NBAS: variants seen among roughly 807,000 people sequenced by gnomAD.
The protein encoded by NBAS is NBAS subunit of NRZ tethering complex, also known as NAG/BC035112 fusion.
In NBAS, 219 loss-of-function variants were observed where a neutral mutation model predicts 302.5. That is an observed-to-expected ratio of 0.72 (90% confidence interval 0.65 to 0.81). NBAS has a LOEUF of 0.81. Among genes scored for constraint, NBAS ranks in the 30% least tolerant of loss-of-function variants. The pLI is 0.00. For synonymous variants in NBAS, 1,118 were observed against 1,021.6 expected (o/e 1.09, Z -1.80); for missense variants, 2,932 against 2,841.6 (o/e 1.03, Z -0.72).
intron 35 of NBAS, among the ~76,000 whole-genome samples, chr2:15,343,664 C>A (rs1278894129): frequency 6.6e-6 from 1 of 151,748 alleles, no homozygotes; most frequent in African/African-American, 2.4e-5. Flanking sequence ...GATGGATATA[C>A]CTCAAGTCTA....
At chr2:14,843,581 C>CACACACACACACACACAA in the NBAS span, among the ~76,000 whole-genome samples, 1 of 150,384 alleles carries the variant, frequency 6.6e-6, no homozygotes, top group African/African-American at 2.5e-5. Flanking sequence ...CACACACACA[C>CACACACACACACACACAA]AAAAATACCT....
the NBAS span, among the ~76,000 whole-genome samples, chr2:14,987,891 T>G: frequency 6.6e-6 from 1 of 152,308 alleles, no homozygotes; most frequent in Admixed American, 6.5e-5. Flanking sequence ...ACATAGTTGA[T>G]GTCTTACCCC....
rs1258542646 is a variant in NBAS, at chr2:15,556,772, C to T, written c.209+11G>A. 1.2e-5 allele frequency: 19 copies of T among 1,602,678 alleles called. No individual in the cohort carries two copies. Among genetic ancestry groups the T allele is most frequent in the African/African-American group, 5.4e-5 (4 of 74,538 alleles). Reference sequence around the variant, plus strand: ...TGTTCATACTGTTTCTCTGAAGAACCGAAGACTCACCTGTACCAGATGTAT... The same window carrying T: ...TGTTCATACTGTTTCTCTGAAGAACTGAAGACTCACCTGTACCAGATGTAT... On this transcript the variant is annotated intron_variant, in intron 3 of 51. Coordinates refer to ENST00000281513, the MANE Select transcript of NBAS (RefSeq NM_015909.4).
Position 15,219,503 on chromosome 2 carries a change from A to G in NBAS, c.6237-535T>C, listed in dbSNP as rs1226378655. Among the ~76,000 whole-genome samples the G allele has an allele frequency of 4.9e-4, 65 of 133,662 alleles. 1 individual carries two copies. The highest frequency in any genetic ancestry group is 6.4e-4 in the East Asian group (3 of 4,662). 87.7% of individuals were successfully genotyped at this position (133,662 alleles called of 152,430 possible). A position where few individuals can be genotyped will look rare whatever the true frequency, so the allele number is the denominator to read the frequency against. On this transcript the variant is annotated intron_variant, in intron 47 of 51. Coordinates refer to ENST00000281513, the MANE Select transcript of NBAS (RefSeq NM_015909.4). ...GCAGTGTTTGTGTCCCTGGGTACTTAAGATTAGGGAGTGGTGATGACTCTT... is the reference window on the plus strand; with the variant it reads ...GCAGTGTTTGTGTCCCTGGGTACTTGAGATTAGGGAGTGGTGATGACTCTT...
intron 9 of NBAS, among the ~76,000 whole-genome samples, chr2:15,512,946 T>C (rs1662213035): frequency 6.6e-6 from 1 of 152,214 alleles, no homozygotes. Flanking sequence ...CTAATGCCAC[T>C]AAAAGCCCTC....
At chr2:15,411,057 G>C (rs572356757) in intron 25 of NBAS, among the ~76,000 whole-genome samples, 13 of 152,058 alleles carry the variant, frequency 8.5e-5, no homozygotes, top group Non-Finnish European at 1.5e-4. Context: ...CTGTTCTTTT[G>C]CTTGGTACCC....
intron 38 of NBAS, among the ~76,000 whole-genome samples, chr2:15,313,882 T>TGGGAG (rs1671387856): frequency 2.0e-5 from 3 of 152,224 alleles, no homozygotes; most frequent in Admixed American, 6.5e-5. Flanking sequence ...AAAGGCTCTC[T>TGGGAG]GGCTTTCTAT....
intron 7 of NBAS, chr2:15,538,443 CT>C: frequency 2.9e-6 from 1 of 343,712 alleles, no homozygotes. Context: ...CAGCTAAAAG[CT>C]TATAAACAAT....
chr2:15,547,968 CTA>C (rs750420681), intron 6 of NBAS, among the ~76,000 whole-genome samples: 1 of 152,234 alleles, frequency 6.6e-6, no homozygotes, highest in Middle Eastern at 3.4e-3. Flanking sequence ...TCTATTCATG[CTA>C]TGTGTATACA....
chr2:14,858,873 C>T, the NBAS span, among the ~76,000 whole-genome samples: 5 of 152,108 alleles, frequency 3.3e-5, no homozygotes, highest in African/African-American at 1.2e-4. Context: ...ATGGATACCC[C>T]TCATTTACCC....
At chr2:15,084,478 C>G in the NBAS span, among the ~76,000 whole-genome samples, 3 of 152,178 alleles carry the variant, frequency 2.0e-5, no homozygotes, top group Non-Finnish European at 2.9e-5. Context: ...CCAGAAAAAT[C>G]AGTGTTAGAA....
At chr2:15,072,449 T>C in the NBAS span, among the ~76,000 whole-genome samples, 1 of 152,210 alleles carries the variant, frequency 6.6e-6, no homozygotes, top group Admixed American at 6.5e-5. Context: ...TAATTTCGCA[T>C]TTCTTTTGAA....
At chr2:14,820,172 A>C in the NBAS span, among the ~76,000 whole-genome samples, 1 of 152,214 alleles carries the variant, frequency 6.6e-6, no homozygotes, top group Non-Finnish European at 1.5e-5. Context: ...GTGTGTACCC[A>C]AAAGAAAGGA....
chr2:15,387,024 A>G (rs1260393896), intron 28 of NBAS, among the ~76,000 whole-genome samples: 1 of 152,192 alleles, frequency 6.6e-6, no homozygotes, highest in Non-Finnish European at 1.5e-5. Flanking sequence ...CCATAATAAA[A>G]TATTCATTAA....
chr2:15,034,247 AG>A, the NBAS span, among the ~76,000 whole-genome samples: 3 of 91,918 alleles, frequency 3.3e-5, no homozygotes, highest in African/African-American at 1.4e-4. Context: ...AAAGAAAGAA[AG>A]AAAGAAAGAA....
the NBAS span, among the ~76,000 whole-genome samples, chr2:14,818,659 C>T: frequency 6.6e-6 from 1 of 152,138 alleles, no homozygotes; most frequent in Non-Finnish European, 1.5e-5. Flanking sequence ...TGCGACAGTC[C>T]TTACCGTGTC....
At chr2:15,489,353 G>A (rs1680762006) in intron 11 of NBAS, among the ~76,000 whole-genome samples, 1 of 151,974 alleles carries the variant, frequency 6.6e-6, no homozygotes, top group African/African-American at 2.4e-5. Context: ...TTTTAAGGTT[G>A]GTCTTGACTA....
At chr2:15,131,752 C>T in the NBAS span, among the ~76,000 whole-genome samples, 172 of 152,288 alleles carry the variant, frequency 1.1e-3, no homozygotes, top group African/African-American at 4.1e-3. Context: ...AATTGGCTCA[C>T]AGTTCTGCAG....
intron 34 of NBAS, among the ~76,000 whole-genome samples, chr2:15,352,365 A>C (rs539602443): frequency 2.0e-5 from 3 of 152,238 alleles, no homozygotes; most frequent in Admixed American, 2.0e-4. Context: ...CTTGCCTCCA[A>C]AGAAGAAAAA....
Sources: allele counts gnomAD v4.1 joint callset (sites outside exome capture counted in the v4.1 genomes callset), GRCh38; gene constraint gnomAD v4.1.1; transcripts MANE v1.5; gene names NCBI Gene and HGNC (gene_info 2026-07-23, HGNC 2026-07-21).